Variants in ALOX5AP observed in about 807,000 individuals in gnomAD.
ALOX5AP encodes arachidonate 5-lipoxygenase-activating protein.
Under a neutral mutation model 18.5 loss-of-function variants are expected in ALOX5AP, and 9 were observed. That is an observed-to-expected ratio of 0.49 (90% confidence interval 0.29 to 0.85). The LOEUF (loss-of-function observed/expected upper bound fraction) is 0.85. Ranked by LOEUF, ALOX5AP falls within the 40% of genes least tolerant of loss-of-function variation. The pLI, the probability that ALOX5AP is intolerant of heterozygous loss-of-function variation, is 0.08. For synonymous variants in ALOX5AP, 81 were observed against 78.6 expected, an observed-to-expected ratio of 1.03 and a Z score of -0.16; for missense variants, 172 against 202.5, an observed-to-expected ratio of 0.85 and a Z score of 0.91.
exon 1 of ALOX5AP, chr13:30,713,671 C>A: frequency 8.0e-7 from 1 of 1,252,790 alleles, no homozygotes; most frequent in Non-Finnish European, 1.1e-6. Context: ...TCTGCAAGAA[C>A]TCTGTAGAAC....
chr13:30,719,827 T>C (rs1951579351), intron 1 of ALOX5AP, among the ~76,000 whole-genome samples: 1 of 152,154 alleles, frequency 6.6e-6, no homozygotes, highest in Admixed American at 6.5e-5. Context: ...GGACTGTAGT[T>C]CAAATGCTCT....
At chr13:30,732,456 T>C (rs1045026166), upstream of ALOX5AP, among the ~76,000 whole-genome samples, 1 of 152,220 alleles carries the variant, frequency 6.6e-6, no homozygotes, top group Non-Finnish European at 1.5e-5. Context: ...ATTATAACTA[T>C]TGGACAGTCA....
chr13:30,761,573 G>C (rs1404501805), intron 4 of ALOX5AP, among the ~76,000 whole-genome samples: 1 of 152,140 alleles, frequency 6.6e-6, no homozygotes. Flanking sequence ...AGGGGACTCT[G>C]TACTCATCTG....
chr13:30,742,277 C>A (rs1445662854), intron 1 of ALOX5AP: 1 of 152,040 alleles, frequency 6.6e-6, no homozygotes, highest in Non-Finnish European at 1.5e-5. Context: ...GATCACGCCA[C>A]TGCACTCCAG....
At chr13:30,737,826 C>A (rs983018756) in intron 1 of ALOX5AP, among the ~76,000 whole-genome samples, 1 of 152,150 alleles carries the variant, frequency 6.6e-6, no homozygotes, top group Non-Finnish European at 1.5e-5. Flanking sequence ...AAGAGCCCCT[C>A]GTATAGCTCT....
chr13:30,714,282 T>C (rs1951532289), intron 1 of ALOX5AP, among the ~76,000 whole-genome samples: 2 of 151,302 alleles, frequency 1.3e-5, no homozygotes, highest in Non-Finnish European at 2.9e-5. Context: ...CTCTGTTCCA[T>C]TGGAAGCTGG....
chr13:30,743,994 A>G, intron 1 of ALOX5AP, 66 bp from the exon 2 acceptor site: 1 of 1,365,090 alleles, frequency 7.3e-7, no homozygotes, highest in Non-Finnish European at 1.0e-6. Context: ...TTCTAGTAAA[A>G]CAAGGAAGTA....
chr13:30,726,356 C>T (rs1401572867), intron 1 of ALOX5AP, among the ~76,000 whole-genome samples: 1 of 152,186 alleles, frequency 6.6e-6, no homozygotes, highest in Non-Finnish European at 1.5e-5. Flanking sequence ...AAAGTGACAC[C>T]AACCTAGTAC....
intron 3 of ALOX5AP, among the ~76,000 whole-genome samples, chr13:30,754,234 C>T (rs962406920): frequency 6.2e-5 from 6 of 97,476 alleles, no homozygotes; most frequent in Admixed American, 2.1e-4. Context: ...AGTGAAACTC[C>T]GTCTCAAAAA....
chr13:30,758,457 C>T (rs150213795), intron 4 of ALOX5AP, among the ~76,000 whole-genome samples: 9 of 152,308 alleles, frequency 5.9e-5, no homozygotes, highest in East Asian at 1.9e-4. Flanking sequence ...CCAGATGGTC[C>T]GTTGCCCCTT....
rs182718436 is a variant in ALOX5AP, at chr13:30,759,636, C to T, written c.323+3611C>T. ...TCAAAAAGCAAGAAGACTGATTCCTCGTTGTCATTTCTCCTCCTCAGCATC... is the reference window on the plus strand; with the variant it reads ...TCAAAAAGCAAGAAGACTGATTCCTTGTTGTCATTTCTCCTCCTCAGCATC... On this transcript the variant is annotated intron_variant, in intron 4 of 4. Transcript: ENST00000380490. Among the ~76,000 whole-genome samples, 89 of 152,304 alleles carry T rather than the reference C, an allele frequency of 5.8e-4. 1 individual carries two copies. The Middle Eastern group carries it at 0.017, about 29-fold the overall frequency.
chr13:30,719,937 C>G (rs1421361811), intron 1 of ALOX5AP, among the ~76,000 whole-genome samples: 1 of 152,018 alleles, frequency 6.6e-6, no homozygotes, highest in Non-Finnish European at 1.5e-5. Flanking sequence ...TCTCGGCTCA[C>G]TGCAACCTCC....
chr13:30,729,254 C>G (rs570908996), intron 1 of ALOX5AP, among the ~76,000 whole-genome samples: 1 of 151,794 alleles, frequency 6.6e-6, no homozygotes, highest in Non-Finnish European at 1.5e-5. Flanking sequence ...CTTTTGGAAG[C>G]TTTATATTTT....
At chr13:30,719,331 A>G (rs74568693) in intron 1 of ALOX5AP, among the ~76,000 whole-genome samples, 2 of 152,226 alleles carry the variant, frequency 1.3e-5, no homozygotes, top group Non-Finnish European at 2.9e-5. Flanking sequence ...GCTTCATTGC[A>G]TGCACATGGT....
intron 3 of ALOX5AP, among the ~76,000 whole-genome samples, chr13:30,754,161 C>A (rs1457555155): frequency 2.0e-5 from 3 of 152,270 alleles, no homozygotes; most frequent in African/African-American, 4.8e-5. Context: ...ATCACTTAAA[C>A]CTGGGAGGCG....
At chr13:30,759,140 CCCATTCAT>C (rs1951920448) in intron 4 of ALOX5AP, among the ~76,000 whole-genome samples, 1 of 152,038 alleles carries the variant, frequency 6.6e-6, no homozygotes, top group East Asian at 1.9e-4. Context: ...TGGTTTCTTC[CCCATTCAT>C]TTAAGCTATT....
At chr13:30,714,278 T>C (rs1288954949) in intron 1 of ALOX5AP, among the ~76,000 whole-genome samples, 2 of 151,140 alleles carry the variant, frequency 1.3e-5, no homozygotes, top group Non-Finnish European at 2.9e-5. Flanking sequence ...ATCTCTCTGT[T>C]CCATTGGAAG....
At chr13:30,734,377 C>T (rs373424127), upstream of ALOX5AP, among the ~76,000 whole-genome samples, 7 of 152,316 alleles carry the variant, frequency 4.6e-5, no homozygotes, top group East Asian at 7.7e-4. Context: ...TCTTCCGTGC[C>T]GAGATGCAGC....
At position 30,752,022 on chromosome 13, in the gene ALOX5AP, T is replaced by C. The variant is rs1211712357; in HGVS notation, c.171-30T>C. The C allele has an allele frequency of 1.9e-6, 3 of 1,609,112 alleles. 1 individual carries two copies. The highest frequency in any genetic ancestry group is 3.3e-5 in the Admixed American group (2 of 59,916). The stretch of plus-strand genomic sequence containing the variant: ...ACATTGCACTAACTTGGTCTCTGAT[T>C]GTTTTTCTCCTTGTTTGTTTATTCT... On this transcript the variant is annotated intron_variant, in intron 2 of 4. Coordinates refer to ENST00000380490, the MANE Select transcript of ALOX5AP (RefSeq NM_001629.4).
Sources: gnomAD v4.1 joint callset for allele counts (sites outside exome capture counted in the v4.1 genomes callset) on GRCh38, gnomAD v4.1.1 for gene constraint, MANE v1.5 for transcripts, NCBI Gene and HGNC (gene_info 2026-07-23, HGNC 2026-07-21) for gene names.